The following NAV1 variants were observed in gnomAD, a reference collection of about 807,000 sequenced individuals.
NAV1 encodes the protein pore membrane and/or filament interacting like protein 3.
A neutral mutation model predicts 175.2 loss-of-function variants in NAV1; 18 were observed. The ratio of observed to expected loss-of-function variants is 0.10; its 90% CI spans 0.07 to 0.15. The LOEUF is 0.15. Ranked by LOEUF, NAV1 falls within the 10% of genes least tolerant of loss-of-function variation. NAV1 has a pLI of 1.00. For synonymous variants in NAV1, 897 were observed against 978.7 expected (o/e 0.92, Z 1.56); for missense variants, 1,731 against 2,436.6 (o/e 0.71, Z 6.10).
intron 1 of NAV1, among the ~76,000 whole-genome samples, chr1:201,704,844 T>G (rs904575279): frequency 6.6e-6 from 1 of 152,296 alleles, no homozygotes; most frequent in Non-Finnish European, 1.5e-5. Context: ...AGAACCAGAC[T>G]GTCAAAGCTG....
At chr1:201,666,070 G>A (rs958241891) in intron 1 of NAV1, among the ~76,000 whole-genome samples, 3 of 152,186 alleles carry the variant, frequency 2.0e-5, no homozygotes, top group Non-Finnish European at 4.4e-5. Flanking sequence ...TCCCTCTGAG[G>A]TCAGAGGGAG....
chr1:201,661,652 G>A (rs1669618735), intron 1 of NAV1, among the ~76,000 whole-genome samples: 2 of 152,128 alleles, frequency 1.3e-5, no homozygotes, highest in African/African-American at 4.8e-5. Flanking sequence ...TGGGAGACTG[G>A]ATGAGATGCT....
intron 1 of NAV1, among the ~76,000 whole-genome samples, chr1:201,684,116 T>C (rs918777767): frequency 6.6e-6 from 1 of 152,220 alleles, no homozygotes; most frequent in African/African-American, 2.4e-5. Context: ...TTTATTTACA[T>C]ATTTATTTCC....
intron 13 of NAV1, chr1:201,791,070 G>A (rs547061010): frequency 3.0e-6 from 1 of 334,262 alleles, no homozygotes; most frequent in East Asian, 5.7e-5. Context: ...TCTGCATGGA[G>A]GCAGAAACAA....
Position 201,648,626 on chromosome 1 carries a change from G to T in NAV1, c.-43G>T. The stretch of plus-strand genomic sequence containing the variant: ...CCCGCCCCCTGCCCCCTCCCCCCGT[G>T]CCTGCAGACGCGCGGATCGTCCATG... On this transcript the variant is annotated 5_prime_UTR_variant, in exon 1 of 30. Transcript: ENST00000367296. The T allele has an allele frequency of 7.8e-7, 1 of 1,286,914 alleles. No homozygotes were observed. Among genetic ancestry groups the T allele is most frequent in the South Asian group, 2.8e-5 (1 of 36,334 alleles). The allele number at this position is 1,286,914 out of a possible 1,614,324, so 79.7% of individuals were successfully genotyped here. A position where few individuals can be genotyped will look rare whatever the true frequency, so the allele number is the denominator to read the frequency against.
chr1:201,594,913 T>C (rs937107024), intron 2 of NAV1, among the ~76,000 whole-genome samples: 1 of 152,220 alleles, frequency 6.6e-6, no homozygotes, highest in Non-Finnish European at 1.5e-5. Context: ...CAGGGAATAT[T>C]TGAACCTTCT....
chr1:201,674,397 G>GC (rs2102385237), intron 1 of NAV1, among the ~76,000 whole-genome samples: 1 of 152,214 alleles, frequency 6.6e-6, no homozygotes, highest in Admixed American at 6.5e-5. Context: ...GTGTTGGGGG[G>GC]GGTTGTCCAG....
intron 1 of NAV1, among the ~76,000 whole-genome samples, chr1:201,556,491 G>A (rs1049277523): frequency 6.6e-6 from 1 of 152,134 alleles, no homozygotes; most frequent in African/African-American, 2.4e-5. Context: ...TCAGGACAGT[G>A]GGGGGACAGT....
intron 3 of NAV1, among the ~76,000 whole-genome samples, chr1:201,744,080 C>G (rs1268749384): frequency 1.3e-5 from 2 of 152,136 alleles, no homozygotes; most frequent in Non-Finnish European, 2.9e-5. Context: ...GATGGGGTAT[C>G]TCTATGTTGG....
chr1:201,792,950 A>G (rs1677207207), intron 13 of NAV1: 1 of 152,240 alleles, frequency 6.6e-6, no homozygotes, highest in Admixed American at 6.5e-5. Flanking sequence ...TGCGCAGAGT[A>G]TGCCCACTTC....
intron 14 of NAV1, 74 bp downstream of exon 18, chr1:201,793,949 AC>A: frequency 7.6e-7 from 1 of 1,318,040 alleles, no homozygotes; most frequent in Non-Finnish European, 1.1e-6. Context: ...GCCGAAGCTG[AC>A]CATCTGTTCT....
At chr1:201,705,964 T>G (rs769141927) in intron 1 of NAV1, among the ~76,000 whole-genome samples, 32 of 152,168 alleles carry the variant, frequency 2.1e-4, no homozygotes, top group Non-Finnish European at 4.6e-4. Context: ...AGTCCAGCTC[T>G]GAGCAGTGGG....
intron 1 of NAV1, among the ~76,000 whole-genome samples, chr1:201,664,344 A>G (rs1156568323): frequency 6.6e-6 from 1 of 152,190 alleles, no homozygotes; most frequent in East Asian, 1.9e-4. Context: ...ATGTCTCAAA[A>G]CAAATAAACA....
intron 3 of NAV1, among the ~76,000 whole-genome samples, chr1:201,743,988 G>GAGA (rs1301864668): frequency 6.6e-6 from 1 of 152,068 alleles, no homozygotes; most frequent in African/African-American, 2.4e-5. Flanking sequence ...AGATTCAAGC[G>GAGA]ATTCTCCTGC....
intron 3 of NAV1, among the ~76,000 whole-genome samples, chr1:201,744,109 C>A (rs1673609861): frequency 6.6e-6 from 1 of 152,188 alleles, no homozygotes; most frequent in South Asian, 2.1e-4. Context: ...GTCTGAACTT[C>A]TGACCTCAGG....
chr1:201,791,300 C>T (rs1203585352), intron 13 of NAV1: 1 of 154,542 alleles, frequency 6.5e-6, no homozygotes, highest in Non-Finnish European at 1.4e-5. Flanking sequence ...CTTTTCTGAG[C>T]AGTCTCCTTG....
chr1:201,660,733 C>T (rs1187722982), intron 1 of NAV1, among the ~76,000 whole-genome samples: 3 of 152,210 alleles, frequency 2.0e-5, no homozygotes, highest in Admixed American at 6.5e-5. Context: ...TGCGTAAACC[C>T]ATTTTATCCT....
At chr1:201,631,951 G>T (rs1280317813) in intron 2 of NAV1, among the ~76,000 whole-genome samples, 2 of 152,154 alleles carry the variant, frequency 1.3e-5, no homozygotes, top group African/African-American at 4.8e-5. Flanking sequence ...TGATTTGAAT[G>T]AATGAGTAAG....
chr1:201,548,275 A>T (rs1047769108), intron 1 of NAV1, among the ~76,000 whole-genome samples: 2 of 152,254 alleles, frequency 1.3e-5, no homozygotes, highest in African/African-American at 4.8e-5. Flanking sequence ...GGCTGTAAAT[A>T]GCTATCAATA....
Sources: allele counts gnomAD v4.1 joint callset (sites outside exome capture counted in the v4.1 genomes callset), GRCh38; gene constraint gnomAD v4.1.1; transcripts MANE v1.5; gene names NCBI Gene and HGNC (gene_info 2026-07-23, HGNC 2026-07-21).